Variants in SULF2 observed in about 807,000 individuals in gnomAD.
SULF2 encodes extracellular sulfatase Sulf-2.
A neutral mutation model predicts 107.7 loss-of-function variants in SULF2; 52 were observed. That is an observed-to-expected ratio of 0.48 (90% CI 0.39 to 0.61). SULF2 has a LOEUF of 0.61. Ranked by LOEUF, SULF2 falls within the 20% of genes least tolerant of loss-of-function variation. SULF2 has a pLI of 0.00. For missense variants in SULF2, 993 were observed against 1,177.3 expected (o/e 0.84, Z 2.29); for synonymous variants, 460 against 464.3 (o/e 0.99, Z 0.12).
intron 2 of SULF2, among the ~76,000 whole-genome samples, chr20:47,748,768 A>T (rs1409038571): frequency 6.6e-6 from 1 of 152,172 alleles, no homozygotes; most frequent in Non-Finnish European, 1.5e-5. Flanking sequence ...ACAGAGGGTG[A>T]CAGCTCTTGT....
chr20:47,719,384 C>T (rs886544774), intron 3 of SULF2, among the ~76,000 whole-genome samples: 2 of 152,136 alleles, frequency 1.3e-5, no homozygotes, highest in Non-Finnish European at 2.9e-5. Flanking sequence ...AAGTGAGCTT[C>T]CCTTATAGTT....
Position 47,784,664 on chromosome 20 carries a change from G to A in SULF2, c.-101+679C>T, listed in dbSNP as rs75633207. On this transcript the variant is annotated intron_variant, in intron 1 of 20. Transcript: ENST00000688720. ...CAGAACGCGGTGCCCGGCACGAGGGGGTGCTCCAGAAATGCTTGTAGAACG... is the reference window on the plus strand; with the variant it reads ...CAGAACGCGGTGCCCGGCACGAGGGAGTGCTCCAGAAATGCTTGTAGAACG... Among the ~76,000 whole-genome samples, 1,138 of 152,262 alleles carry A rather than the reference G, an allele frequency of 7.5e-3. 21 individuals carry two copies. The highest frequency in any genetic ancestry group is 0.026 in the African/African-American group (1,090 of 41,534).
At chr20:47,763,903 C>T (rs920505535) in intron 1 of SULF2, among the ~76,000 whole-genome samples, 2 of 152,182 alleles carry the variant, frequency 1.3e-5, no homozygotes, top group South Asian at 2.1e-4. Flanking sequence ...TTCCATCCCA[C>T]GCAGAGTAAA....
intron 1 of SULF2, among the ~76,000 whole-genome samples, chr20:47,765,237 C>T (rs1342992976): frequency 6.6e-6 from 1 of 151,952 alleles, no homozygotes; most frequent in Non-Finnish European, 1.5e-5. Flanking sequence ...CGCCTGTAGT[C>T]CCAGCTACTT....
At chr20:47,763,596 G>T (rs1264142946) in intron 1 of SULF2, among the ~76,000 whole-genome samples, 1 of 152,132 alleles carries the variant, frequency 6.6e-6, no homozygotes, top group African/African-American at 2.4e-5. Flanking sequence ...GCAAACTGTG[G>T]GTGTGCAGAT....
intron 1 of SULF2, among the ~76,000 whole-genome samples, chr20:47,772,686 C>CA (rs2090653868): frequency 6.6e-6 from 1 of 151,972 alleles, no homozygotes; most frequent in South Asian, 2.1e-4. Context: ...GAATCTAGGC[C>CA]ACTTCACTCA....
chr20:47,708,339 C>T (rs1370890319), intron 3 of SULF2, among the ~76,000 whole-genome samples: 3 of 152,040 alleles, frequency 2.0e-5, no homozygotes, highest in Admixed American at 6.6e-5. Flanking sequence ...CCAGTACAAA[C>T]GTGGGGGCAT....
chr20:47,735,844 G>A (rs907253552), intron 3 of SULF2, among the ~76,000 whole-genome samples: 4 of 152,108 alleles, frequency 2.6e-5, no homozygotes, highest in Admixed American at 6.5e-5. Context: ...CCAGCACTGC[G>A]GACAGGGCTG....
chr20:47,687,092 A>C (rs79601831), intron 5 of SULF2, among the ~76,000 whole-genome samples: 4,229 of 152,304 alleles, frequency 0.028, 203 homozygotes, highest in African/African-American at 0.097. Flanking sequence ...TCCAGGATGC[A>C]ATTTTCAGCA....
intron 2 of SULF2, among the ~76,000 whole-genome samples, chr20:47,756,248 T>C (rs1366275896): frequency 6.6e-6 from 1 of 152,088 alleles, no homozygotes; most frequent in Non-Finnish European, 1.5e-5. Context: ...CTCCCCATAG[T>C]TATCAAATGC....
intron 1 of SULF2, among the ~76,000 whole-genome samples, chr20:47,759,490 G>A (rs2090370027): frequency 6.6e-6 from 1 of 152,150 alleles, no homozygotes; most frequent in Admixed American, 6.5e-5. Flanking sequence ...TCAGGAGTTC[G>A]AGACCAGCCT....
At position 47,672,410 on chromosome 20, in the gene SULF2, G is replaced by T; in HGVS notation, c.1381-17C>A. The T allele has an allele frequency of 6.3e-7, 1 of 1,575,738 alleles. No homozygotes were observed. On this transcript the variant is annotated splice_polypyrimidine_tract_variant and intron_variant, in intron 10 of 20. Transcript: ENST00000688720. ...CTGCCACTTCTGAAAGACATGCCAG[G>T]GCCTCGGCCAGCTGCTCATCTGCTC...
At chr20:47,756,274 C>T (rs1175126527) in intron 2 of SULF2, among the ~76,000 whole-genome samples, 4 of 152,118 alleles carry the variant, frequency 2.6e-5, no homozygotes, top group African/African-American at 7.2e-5. Context: ...ATTCTAAATG[C>T]TGCCAGGAGA....
At position 47,680,997 on chromosome 20, in the gene SULF2, A is replaced by T. The variant is rs1285700103; in HGVS notation, c.1064+1997T>A. 6.6e-6 allele frequency among the ~76,000 whole-genome samples: 1 copy of T among 152,218 alleles called. No individual in the cohort carries two copies. The highest frequency in any genetic ancestry group is 1.9e-4 in the East Asian group (1 of 5,202). On this transcript the variant is annotated intron_variant, in intron 7 of 20. Coordinates refer to ENST00000688720, the MANE Select transcript of SULF2 (RefSeq NM_001387048.1). This position sits in a 1 kb window ranked among gnomAD's most constrained non-coding sequence, Gnocchi z 4.2. ...TACAGTGAATGGTTCAGGGAAGGAC[A>T]CGTGACCTAAGTCAGGCCAGTGGGA...
At chr20:47,772,828 A>C (rs1341807135) in intron 1 of SULF2, among the ~76,000 whole-genome samples, 1 of 152,212 alleles carries the variant, frequency 6.6e-6, no homozygotes, top group Non-Finnish European at 1.5e-5. Flanking sequence ...TGGTTGGTGG[A>C]GGCCACCGGT....
At chr20:47,702,478 G>A (rs2088602582) in intron 4 of SULF2, 41 bp downstream of exon 4, 1 of 1,597,232 alleles carries the variant, frequency 6.3e-7, no homozygotes, top group Non-Finnish European at 8.5e-7. Flanking sequence ...CTAACTGCTG[G>A]GCCACACAGC....
At chr20:47,764,378 G>A (rs1438674702) in intron 1 of SULF2, among the ~76,000 whole-genome samples, 1 of 151,912 alleles carries the variant, frequency 6.6e-6, no homozygotes, top group African/African-American at 2.4e-5. Flanking sequence ...GCTTAACAAA[G>A]AATTATCTCC....
chr20:47,720,876 G>T (rs1378576601), intron 3 of SULF2, among the ~76,000 whole-genome samples: 1 of 152,178 alleles, frequency 6.6e-6, no homozygotes, highest in Non-Finnish European at 1.5e-5. Flanking sequence ...GGAGCTGGAG[G>T]TTCCTGAGGA....
At position 47,677,154 on chromosome 20, in the gene SULF2, C is replaced by T; in HGVS notation, c.1194-20G>A. ...TGAAACCTGGAAAAAAGCACGGCTCCTGCTTCTCAGCAACATGAGGGCTTC... is the reference window on the plus strand; with the variant it reads ...TGAAACCTGGAAAAAAGCACGGCTCTTGCTTCTCAGCAACATGAGGGCTTC... On this transcript the variant is annotated intron_variant, in intron 8 of 20. Transcript: ENST00000688720. 6.2e-7 allele frequency: 1 copy of T among 1,613,536 alleles called. No homozygotes were observed. Among genetic ancestry groups the T allele is most frequent in the Non-Finnish European group, 8.5e-7 (1 of 1,179,902 alleles).
Sources: gnomAD v4.1 joint callset for allele counts (sites outside exome capture counted in the v4.1 genomes callset) on GRCh38, gnomAD v4.1.1 for gene constraint, Gnocchi (gnomAD v3.1) non-coding constraint, MANE v1.5 for transcripts, NCBI Gene and HGNC (gene_info 2026-07-23, HGNC 2026-07-21) for gene names.